KCNIP1: variants seen among roughly 807,000 people sequenced by gnomAD.
The protein encoded by KCNIP1 is A-type potassium channel modulatory protein KCNIP1.
KCNIP1 carries 18 observed loss-of-function variants against 33.0 expected under a neutral mutation model. The ratio of observed to expected loss-of-function variants is 0.55; its 90% CI spans 0.38 to 0.81. The LOEUF is 0.81. Ranked by LOEUF, KCNIP1 falls within the 30% of genes least tolerant of loss-of-function variation. The pLI, the probability that KCNIP1 is intolerant of heterozygous loss-of-function variation, is 0.00. For missense variants in KCNIP1, 238 were observed against 271.6 expected, an observed-to-expected ratio of 0.88 and a Z score of 0.87; for synonymous variants, 93 against 98.3, an observed-to-expected ratio of 0.95 and a Z score of 0.32.
chr5:170,684,594 T>A (rs1360001023), intron 1 of KCNIP1, among the ~76,000 whole-genome samples: 1 of 152,236 alleles, frequency 6.6e-6, no homozygotes, highest in African/African-American at 2.4e-5. Context: ...CCCATTGATT[T>A]GGAATGCTAG....
chr5:170,452,843 G>A (rs759895016), intron 1 of KCNIP1, among the ~76,000 whole-genome samples: 16 of 152,154 alleles, frequency 1.1e-4, no homozygotes, highest in Non-Finnish European at 2.4e-4. Context: ...GCGTGATTAA[G>A]GAATTGTTAT....
At chr5:170,598,897 G>A (rs866375189) in intron 1 of KCNIP1, among the ~76,000 whole-genome samples, 18 of 122,920 alleles carry the variant, frequency 1.5e-4, no homozygotes, top group Non-Finnish European at 3.2e-4. Flanking sequence ...CGCTGTGTGT[G>A]TGTGCGCGTG....
At chr5:170,641,653 G>A (rs551476067) in intron 1 of KCNIP1, among the ~76,000 whole-genome samples, 28 of 152,320 alleles carry the variant, frequency 1.8e-4, no homozygotes, top group African/African-American at 6.3e-4. Context: ...TTGGTTGGGG[G>A]AGGCAAAGGG....
chr5:170,658,334 C>T (rs1304925318), intron 1 of KCNIP1, among the ~76,000 whole-genome samples: 1 of 152,188 alleles, frequency 6.6e-6, no homozygotes, highest in Non-Finnish European at 1.5e-5. Flanking sequence ...CAGCATAAGG[C>T]ATCATATGGT....
intron 1 of KCNIP1, among the ~76,000 whole-genome samples, chr5:170,385,683 C>T (rs1448271458): frequency 7.2e-6 from 1 of 139,696 alleles, no homozygotes; most frequent in Non-Finnish European, 1.6e-5. Flanking sequence ...AGACCTACGG[C>T]TCAGAGAGGT....
At chr5:170,575,686 C>T (rs945108583) in intron 1 of KCNIP1, among the ~76,000 whole-genome samples, 3 of 152,134 alleles carry the variant, frequency 2.0e-5, no homozygotes, top group Non-Finnish European at 4.4e-5. Flanking sequence ...TTCCTTTGTA[C>T]CCCCTCAGCC....
chr5:170,618,280 C>G (rs572467187), intron 1 of KCNIP1, among the ~76,000 whole-genome samples: 1 of 151,896 alleles, frequency 6.6e-6, no homozygotes, highest in African/African-American at 2.4e-5. Flanking sequence ...ACTTTGGTTT[C>G]AAAGTTCTGA....
chr5:170,655,982 G>T (rs147396381), intron 1 of KCNIP1, among the ~76,000 whole-genome samples: 7 of 152,226 alleles, frequency 4.6e-5, no homozygotes, highest in Non-Finnish European at 8.8e-5. Flanking sequence ...AGGTTGAGGT[G>T]GGGGAGAGCA....
intron 1 of KCNIP1, among the ~76,000 whole-genome samples, chr5:170,415,019 T>C (rs1257839595): frequency 6.6e-6 from 1 of 152,220 alleles, no homozygotes; most frequent in Non-Finnish European, 1.5e-5. Context: ...ATGACCTCAG[T>C]TTCTGCATAA....
chr5:170,550,215 G>A (rs922965022), intron 1 of KCNIP1, among the ~76,000 whole-genome samples: 8 of 152,070 alleles, frequency 5.3e-5, no homozygotes, highest in African/African-American at 1.9e-4. Flanking sequence ...TACCCCTCAA[G>A]AGGACCATAA....
At position 170,730,500 on chromosome 5, in the gene KCNIP1, C is replaced by A. The variant is rs142190506; in HGVS notation, c.436-2300C>A. ...ATCCAAGTTGTAGGCTATGAAAATC[C>A]TGAGAGAGCAACAAAATTGCTCTTT... On this transcript the variant is annotated intron_variant, in intron 5 of 7. Transcript: ENST00000328939. Among the ~76,000 whole-genome samples, 1,290 of 152,178 alleles carry A rather than the reference C, an allele frequency of 8.5e-3. 12 individuals are homozygous for A. The highest frequency in any genetic ancestry group is 0.014 in the Non-Finnish European group (981 of 67,982).
rs186687034 is a variant in KCNIP1 at position 170,582,974 on chromosome 5, G to A, written c.61+78341G>A. On this transcript the variant is annotated intron_variant, in intron 1 of 7. Transcript: ENST00000328939. ...AACTGATTAAATGTATTTGACAACG[G>A]AGCTAGAAAGCCAGTCAATTCATGT... Among the ~76,000 whole-genome samples, 28 of 152,256 alleles carry A rather than the reference G, an allele frequency of 1.8e-4. No homozygotes were observed. In the East Asian group the frequency reaches 5.0e-3, roughly 27 times the overall value.
At chr5:170,715,547 T>A (rs1234129785) in intron 1 of KCNIP1, among the ~76,000 whole-genome samples, 2 of 152,210 alleles carry the variant, frequency 1.3e-5, no homozygotes, top group Non-Finnish European at 1.5e-5. Flanking sequence ...TCTTTGCCCC[T>A]AGTGATAGGT....
At chr5:170,509,785 C>G (rs1031292313) in intron 1 of KCNIP1, among the ~76,000 whole-genome samples, 1 of 152,174 alleles carries the variant, frequency 6.6e-6, no homozygotes, top group Non-Finnish European at 1.5e-5. Context: ...TAAATTCAGT[C>G]AAGAAGAGTC....
intron 1 of KCNIP1, among the ~76,000 whole-genome samples, chr5:170,359,146 C>T (rs530831287): frequency 9.5e-4 from 144 of 152,306 alleles, no homozygotes; most frequent in Non-Finnish European, 5.7e-4. Flanking sequence ...TCCCTATCAC[C>T]TCTCAGGCAG....
At chr5:170,665,248 C>A (rs1581468871) in intron 1 of KCNIP1, among the ~76,000 whole-genome samples, 1 of 152,158 alleles carries the variant, frequency 6.6e-6, no homozygotes, top group South Asian at 2.1e-4. Context: ...CCATGAGGCC[C>A]CTGTGGGATT....
intron 1 of KCNIP1, among the ~76,000 whole-genome samples, chr5:170,519,090 T>C (rs1002625174): frequency 4.6e-5 from 7 of 152,208 alleles, no homozygotes; most frequent in Non-Finnish European, 1.0e-4. Context: ...ACCAGCATTA[T>C]AAGGTTCTCA....
At chr5:170,471,932 G>A (rs532092982) in intron 1 of KCNIP1, among the ~76,000 whole-genome samples, 1 of 152,280 alleles carries the variant, frequency 6.6e-6, no homozygotes, top group African/African-American at 2.4e-5. Flanking sequence ...ATCTCCGTCA[G>A]AGGCCTCCTG....
At chr5:170,385,276 G>A in intron 1 of KCNIP1, 3 of 1,610,902 alleles carry the variant, frequency 1.9e-6, no homozygotes, top group Non-Finnish European at 2.5e-6. Context: ...ACCCTTAGGA[G>A]AGGGTTGGGG....
Sources: gnomAD v4.1 joint callset for allele counts (sites outside exome capture counted in the v4.1 genomes callset) on GRCh38, gnomAD v4.1.1 for gene constraint, MANE v1.5 for transcripts, NCBI Gene and HGNC (gene_info 2026-07-23, HGNC 2026-07-21) for gene names.